Variants in TBX19 observed in about 807,000 individuals in gnomAD.
TBX19 encodes T-box transcription factor TBX19.
A neutral mutation model predicts 40.9 loss-of-function variants in TBX19; 33 were observed. The ratio of observed to expected loss-of-function variants is 0.81; its 90% CI spans 0.61 to 1.08. The LOEUF is 1.08. Ranked by LOEUF, TBX19 falls within the 50% of genes least tolerant of loss-of-function variation. The pLI is 0.00. For synonymous variants in TBX19, 220 were observed against 225.0 expected (o/e 0.98, Z 0.20); for missense variants, 494 against 574.0 (o/e 0.86, Z 1.42).
At chr1:168,281,390 C>A (rs756755472) in intron 1 of TBX19, 97 bp downstream of exon 1, 3 of 1,158,806 alleles carry the variant, frequency 2.6e-6, no homozygotes, top group Non-Finnish European at 3.9e-6. Flanking sequence ...CACTCAGAGG[C>A]GGCGGGATCT....
chr1:168,287,322 C>T lies in TBX19; in HGVS notation c.204-3838C>T, dbSNP rs184085650. Among the ~76,000 whole-genome samples the T allele has an allele frequency of 1.7e-3, 258 of 152,326 alleles. 3 individuals are homozygous for T. The highest frequency in any genetic ancestry group is 4.2e-3 in the Admixed American group (64 of 15,290). Reference sequence around the variant, plus strand: ...TAAGTGCACCTCCTCTAACATTTTGCATGAGTCATTCCTTCTCATTATTTA... The same window carrying T: ...TAAGTGCACCTCCTCTAACATTTTGTATGAGTCATTCCTTCTCATTATTTA... On this transcript the variant is annotated intron_variant, in intron 1 of 7. Transcript: ENST00000367821.
chr1:168,288,186 T>G (rs577940171), intron 1 of TBX19, among the ~76,000 whole-genome samples: 4 of 152,172 alleles, frequency 2.6e-5, no homozygotes, highest in Non-Finnish European at 2.9e-5. Flanking sequence ...GCATATAACC[T>G]ATGCACATCC....
At chr1:168,298,088 C>T (rs1383654655) in intron 4 of TBX19, among the ~76,000 whole-genome samples, 3 of 152,044 alleles carry the variant, frequency 2.0e-5, no homozygotes, top group African/African-American at 7.2e-5. Context: ...CCCAGCTACT[C>T]GGGAGGCTGA....
Position 168,300,519 on chromosome 1 carries a change from G to A in TBX19, c.727+36G>A, listed in dbSNP as rs1202013553. 7 of 1,595,874 alleles carry A rather than the reference G, an allele frequency of 4.4e-6. No individual in the cohort carries two copies. In the African/African-American group the frequency reaches 9.4e-5, roughly 21 times the overall value. ...TGTACATGAGGCGGGAGGTGCGTGGGGCTGTACCTGGAGCCAGCTCCTTCC... is the reference window on the plus strand; with the variant it reads ...TGTACATGAGGCGGGAGGTGCGTGGAGCTGTACCTGGAGCCAGCTCCTTCC... On this transcript the variant is annotated intron_variant, in intron 5 of 7. Transcript: ENST00000367821.
intron 4 of TBX19, among the ~76,000 whole-genome samples, chr1:168,298,868 T>C (rs1448604016): frequency 8.4e-6 from 1 of 118,414 alleles, no homozygotes; most frequent in Non-Finnish European, 1.7e-5. Context: ...TCTTTCTTTC[T>C]TTCTTTCTTT....
chr1:168,306,860 G>A (rs1649417343), intron 6 of TBX19, among the ~76,000 whole-genome samples: 1 of 152,174 alleles, frequency 6.6e-6, no homozygotes, highest in African/African-American at 2.4e-5. Context: ...ATAAGTCAGG[G>A]TGCCATGTGA....
At chr1:168,297,830 G>A (rs368837661) in intron 4 of TBX19, 45 bp downstream of exon 4, 10 of 1,473,088 alleles carry the variant, frequency 6.8e-6, no homozygotes, top group South Asian at 4.6e-5. Context: ...AATGATTTAT[G>A]CAAATACAAA....
Position 168,293,254 on chromosome 1 carries a change from C to T in TBX19, c.579C>T (p.Ala193=), listed in dbSNP as rs376849434. 39 of 1,604,312 alleles carry T rather than the reference C, an allele frequency of 2.4e-5. No homozygotes were observed. The highest frequency in any genetic ancestry group is 1.7e-4 in the Middle Eastern group (1 of 6,002). Residue 193 remains alanine, a synonymous_variant, in exon 3 of 8, where the codon GCC becomes GCT. Transcript: ENST00000367821. ...NCSFPETQFI[A]VTAYQNEEIT... is the part of the protein sequence containing the mutation. ...CCTTCCCTGAAACCCAGTTCATAGC[C>T]GTGACTGCCTATCAGAATGAGGAGG... is the stretch of plus-strand genomic sequence containing the variant.
chr1:168,292,139 T>C (rs1426218343), intron 2 of TBX19, among the ~76,000 whole-genome samples: 1 of 152,174 alleles, frequency 6.6e-6, no homozygotes, highest in Non-Finnish European at 1.5e-5. Flanking sequence ...CCTGTTTGGC[T>C]TTCCCTCAGC....
chr1:168,290,533 C>T (rs1356851593), intron 1 of TBX19, among the ~76,000 whole-genome samples: 1 of 152,282 alleles, frequency 6.6e-6, no homozygotes, highest in Non-Finnish European at 1.5e-5. Flanking sequence ...GAGTTCCTCT[C>T]ACTGACTTAA....
At chr1:168,295,293 G>GAA (rs368797835) in intron 3 of TBX19, among the ~76,000 whole-genome samples, 1 of 144,882 alleles carries the variant, frequency 6.9e-6, no homozygotes, top group Non-Finnish European at 1.5e-5. Flanking sequence ...TTGGTCTCAG[G>GAA]AAAAAAAAAA....
intron 1 of TBX19, among the ~76,000 whole-genome samples, chr1:168,282,252 T>C (rs1648677775): frequency 6.6e-6 from 1 of 152,202 alleles, no homozygotes; most frequent in South Asian, 2.1e-4. Flanking sequence ...CGAGGCCATC[T>C]GAACTTCTTT....
intron 6 of TBX19, chr1:168,308,495 G>A (rs970871396): frequency 4.4e-5 from 22 of 503,016 alleles, no homozygotes; most frequent in African/African-American, 2.5e-4. Flanking sequence ...ACCCTGAGGC[G>A]TATCTATAAG....
chr1:168,293,236 T>G lies in TBX19; in HGVS notation c.561T>G (p.Pro187=). The change falls in exon 3 of 8, where the codon CCT becomes CCG. Residue 187 remains proline (P), a synonymous_variant. Transcript: ENST00000367821. ...AHRMVTNCSF[P]ETQFIAVTAY... is the part of the protein sequence containing the mutation. ...GAATGGTAACAAACTGCTCCTTCCC[T>G]GAAACCCAGTTCATAGCCGTGACTG... 1 of 1,612,640 alleles carries G rather than the reference T, an allele frequency of 6.2e-7. No individual in the cohort carries two copies.
At position 168,305,072 on chromosome 1, in the gene TBX19, T is replaced by C. The variant is rs773113150; in HGVS notation, c.792T>C (p.Tyr264=). Residue 264 remains tyrosine (Y), a synonymous_variant, in exon 6 of 8, where the codon TAT becomes TAC. Transcript: ENST00000367821. ...CAGCAGGAAACTCCAATTACCAGTA[T>C]GCCGCTCCTCTGCCTCTGCCTGCTC... is the stretch of plus-strand genomic sequence containing the variant. The part of the protein sequence containing the change: ...VCTAGNSNYQ[Y]AAPLPLPAPH... 2 of 1,614,082 alleles carry C rather than the reference T, an allele frequency of 1.2e-6. No individual in the cohort carries two copies. The highest frequency in any genetic ancestry group is 1.7e-5 in the Admixed American group (1 of 60,000).
In TBX19 at chr1:168,308,869, A is replaced by G. The variant is rs1189083373; in HGVS notation, c.1044A>G (p.Pro348=). 4.3e-6 allele frequency: 7 copies of G among 1,613,906 alleles called. No individual in the cohort carries two copies. The highest frequency in any genetic ancestry group is 5.9e-6 in the Non-Finnish European group (7 of 1,179,986). ...CCCACACCAACGGACCAATCAATCC[A>G]GGGCCCAGGTAAGACCAACACCATC... The part of the protein sequence containing the change: ...SVPHTNGPIN[P]GPSPYPCLWT... The change falls in exon 7 of 8, where the codon CCA becomes CCG. Residue 348 remains proline, a synonymous_variant. Transcript: ENST00000367821.
Position 168,305,964 on chromosome 1 carries a change from T to C in TBX19, c.916+768T>C, listed in dbSNP as rs74931937. On this transcript the variant is annotated intron_variant, in intron 6 of 7. Coordinates refer to ENST00000367821, the MANE Select transcript of TBX19 (RefSeq NM_005149.3). ...ACAGGAATGAAATGGACAAATGCCC[T>C]GCCCTTACGGAGATTCTATACTAAT... 1.8e-3 allele frequency among the ~76,000 whole-genome samples: 269 copies of C among 152,356 alleles called. 1 individual carries two copies. Among genetic ancestry groups the C allele is most frequent in the African/African-American group, 6.0e-3 (251 of 41,584 alleles).
In TBX19 at chr1:168,313,487, G is replaced by T; in HGVS notation, c.*485G>T. 1 of 199,768 alleles carries T rather than the reference G, an allele frequency of 5.0e-6. No homozygotes were observed. 12.4% of individuals were successfully genotyped at this position (199,768 alleles called of 1,614,324 possible). A position where few individuals can be genotyped will look rare whatever the true frequency, so the allele number is the denominator to read the frequency against. ...GGATGGGGTGTAAGCCATAGAGTAA[G>T]GTTAACAAAAAGAATAAAGCTAATC... On this transcript the variant is annotated 3_prime_UTR_variant, in exon 8 of 8. Transcript: ENST00000367821.
intron 1 of TBX19, among the ~76,000 whole-genome samples, chr1:168,287,337 C>T (rs1648829081): frequency 6.6e-6 from 1 of 152,162 alleles, no homozygotes; most frequent in Admixed American, 6.5e-5. Context: ...GTCATTCCTT[C>T]TCATTATTTA....
Sources: allele counts gnomAD v4.1 joint callset (sites outside exome capture counted in the v4.1 genomes callset), GRCh38; gene constraint gnomAD v4.1.1; transcripts MANE v1.5; gene names NCBI Gene and HGNC (gene_info 2026-07-23, HGNC 2026-07-21).